NOTCH2NLR: variants seen among roughly 807,000 people sequenced by gnomAD.
NOTCH2NLR encodes notch 2 N-terminal like R (pseudogene).
A neutral mutation model predicts 35.6 loss-of-function variants in NOTCH2NLR; 33 were observed. That is an observed-to-expected ratio of 0.93 (90% confidence interval 0.70 to 1.24). The LOEUF (loss-of-function observed/expected upper bound fraction) is 1.24. Among genes scored for constraint, NOTCH2NLR ranks in the 50% most tolerant of loss-of-function variants. NOTCH2NLR has a pLI of 0.00. For synonymous variants in NOTCH2NLR, 103 were observed against 141.0 expected, an observed-to-expected ratio of 0.73 and a Z score of 1.91; for missense variants, 276 against 362.2, an observed-to-expected ratio of 0.76 and a Z score of 1.93.
chr1:120,794,387 T>C (rs1651533817), downstream of NOTCH2NLR, among the ~76,000 whole-genome samples: 2 of 112,934 alleles, frequency 1.8e-5, 1 homozygote, highest in South Asian at 5.1e-4. Context: ...AGCAGATGAA[T>C]TACTAAGCAA....
intron 2 of NOTCH2NLR, among the ~76,000 whole-genome samples, chr1:120,779,686 A>C: frequency 8.2e-6 from 1 of 122,364 alleles, no homozygotes; most frequent in East Asian, 2.0e-4. Flanking sequence ...GGAATTATAG[A>C]TATGTAAGGG....
At chr1:120,765,790 C>T (rs1651184779) in intron 2 of NOTCH2NLR, among the ~76,000 whole-genome samples, 1 of 128,604 alleles carries the variant, frequency 7.8e-6, no homozygotes, top group East Asian at 2.0e-4. Flanking sequence ...CGATGGAATA[C>T]TATGCAGCCA....
In NOTCH2NLR at chr1:120,764,021, G is replaced by A. The variant is rs1369338030; in HGVS notation, c.155+312G>A. On this transcript the variant is annotated intron_variant, in intron 2 of 4. Coordinates refer to ENST00000624419, the Ensembl canonical transcript of NOTCH2NLR. ...CCCAGCACTTCAGGAGGCTGAGTTG[G>A]GCGAATCACGAGGTCAGGAGTTCAA... 1.7e-5 allele frequency among the ~76,000 whole-genome samples: 2 copies of A among 114,514 alleles called. 1 individual carries two copies. Among genetic ancestry groups the A allele is most frequent in the African/African-American group, 1.0e-4 (2 of 19,918 alleles). The allele number at this position is 114,514 out of a possible 152,430, so 75.1% of individuals were successfully genotyped here.
intron 1 of NOTCH2NLR, among the ~76,000 whole-genome samples, chr1:120,729,412 TAGAA>T (rs1650850750): frequency 9.4e-6 from 1 of 106,654 alleles, no homozygotes; most frequent in Non-Finnish European, 1.8e-5. Flanking sequence ...CTCTAATTCT[TAGAA>T]AGATCTTCTT....
rs1651113039 is a variant in NOTCH2NLR at position 120,759,706 on chromosome 1, A to T, written c.74-3922A>T. On this transcript the variant is annotated intron_variant, in intron 1 of 4. Coordinates refer to ENST00000624419, the Ensembl canonical transcript of NOTCH2NLR. ...TCAAGATTATTTTTCTTTTTTTAAA[A>T]ATTAGAATTGTCAATTTATAGTTGT... Among the ~76,000 whole-genome samples the T allele has an allele frequency of 2.7e-5, 3 of 112,334 alleles. No homozygotes were observed. The South Asian group carries it at 7.5e-4, about 28-fold the overall frequency. The allele number at this position is 112,334 out of a possible 152,430, so 73.7% of individuals were successfully genotyped here. A position where few individuals can be genotyped will look rare whatever the true frequency, so the allele number is the denominator to read the frequency against.
At chr1:120,728,130 CTT>C (rs1476112123) in intron 1 of NOTCH2NLR, among the ~76,000 whole-genome samples, 1 of 114,366 alleles carries the variant, frequency 8.7e-6, no homozygotes, top group Non-Finnish European at 1.7e-5. Flanking sequence ...CACAAAAACT[CTT>C]ATAACATCCT....
chr1:120,752,561 TTTTTTTTTTTTTTC>T (rs1651034164), intron 1 of NOTCH2NLR, among the ~76,000 whole-genome samples: 2 of 26,412 alleles, frequency 7.6e-5, no homozygotes, highest in African/African-American at 7.5e-4. Context: ...TATATTTTTT[TTTTTTTTTTTTTTC>T]TTTTTTTTTT....
chr1:120,765,589 A>G (rs1470001423), intron 2 of NOTCH2NLR, among the ~76,000 whole-genome samples: 1 of 73,098 alleles, frequency 1.4e-5, no homozygotes, highest in East Asian at 2.9e-4. Flanking sequence ...TCAAGGATCT[A>G]GAACCAGAAA....
At position 120,724,691 on chromosome 1, in the gene NOTCH2NLR, C is replaced by G. The variant is rs1418836808; in HGVS notation, c.73+441C>G. ...GCGGGGGCAGGGCCGCCAAGCCAAA[C>G]GGCCTGCAGCTTCGCAGCCAGCCTC... On this transcript the variant is annotated intron_variant, in intron 1 of 4. Coordinates refer to ENST00000624419, the Ensembl canonical transcript of NOTCH2NLR. 1.6e-5 allele frequency among the ~76,000 whole-genome samples: 2 copies of G among 124,710 alleles called. 1 individual carries two copies. The highest frequency in any genetic ancestry group is 3.3e-5 in the Non-Finnish European group (2 of 61,518). The allele number at this position is 124,710 out of a possible 152,430, so 81.8% of individuals were successfully genotyped here.
Position 120,752,587 on chromosome 1 carries a change from T to TCC in NOTCH2NLR, c.74-11041_74-11040insCC, listed in dbSNP as rs1651036424. Among the ~76,000 whole-genome samples, 4 of 40,252 alleles carry TCC rather than the reference T, an allele frequency of 9.9e-5. No individual in the cohort carries two copies. In the African/African-American group the frequency reaches 1.1e-3, roughly 11 times the overall value. 26.4% of individuals were successfully genotyped at this position (40,252 alleles called of 152,430 possible). Reference sequence around the variant, plus strand: ...TTTTTTTTTTTTTCTTTTTTTTTTTTTCAGGCAGAGTCTTGCTCTGTCGCC... The same window carrying TCC: ...TTTTTTTTTTTTTCTTTTTTTTTTTTCCTCAGGCAGAGTCTTGCTCTGTCGCC... On this transcript the variant is annotated intron_variant, in intron 1 of 4. Transcript: ENST00000624419.
intron 2 of NOTCH2NLR, among the ~76,000 whole-genome samples, chr1:120,784,094 G>A (rs1571028482): frequency 8.5e-6 from 1 of 117,806 alleles, no homozygotes; most frequent in East Asian, 2.1e-4. Flanking sequence ...CAATAATTTG[G>A]AAAGGTAAAT....
At position 120,763,757 on chromosome 1, in the gene NOTCH2NLR, C is replaced by T. The variant is rs1651158489; in HGVS notation, c.155+48C>T. The T allele has an allele frequency of 3.6e-5, 26 of 719,914 alleles. 5 individuals carry two copies. Among genetic ancestry groups the T allele is most frequent in the South Asian group, 1.5e-5 (1 of 67,766 alleles). 44.6% of individuals were successfully genotyped at this position (719,914 alleles called of 1,614,324 possible). A position where few individuals can be genotyped will look rare whatever the true frequency, so the allele number is the denominator to read the frequency against. ...TTTCTTTTTGCGATAGAACACTGGA[C>T]AAGATTTGATTCTACTCCTCTATTT... On this transcript the variant is annotated intron_variant, in intron 2 of 4. Transcript: ENST00000624419.
At position 120,785,160 on chromosome 1, in the gene NOTCH2NLR, T is replaced by C. The variant is rs1185129759; in HGVS notation, c.342T>C (p.Pro114=). The C allele has an allele frequency of 2.1e-4, 300 of 1,446,538 alleles. 64 individuals carry two copies. The East Asian group carries it at 5.2e-3, about 25-fold the overall frequency. 89.6% of individuals were successfully genotyped at this position (1,446,538 alleles called of 1,614,324 possible). ...CTCATCCATGCTTTGTGTCTCGACC[T>C]TGCCTGAATGGCGGCACATGCCATA... Residue 114 remains proline (P), a synonymous_variant, in exon 3 of 5, where the codon CCT becomes CCC. Transcript: ENST00000624419.
chr1:120,770,307 C>T (rs1421794013), intron 2 of NOTCH2NLR, among the ~76,000 whole-genome samples: 5 of 107,876 alleles, frequency 4.6e-5, no homozygotes, highest in Non-Finnish European at 6.9e-5. Context: ...GTAGCCGGGA[C>T]TATAAGCGCC....
Position 120,777,591 on chromosome 1 carries a change from C to CT in NOTCH2NLR, c.156-7375dup, listed in dbSNP as rs1374197165. On this transcript the variant is annotated intron_variant, in intron 2 of 4. Transcript: ENST00000624419. Reference sequence around the variant, plus strand: ...CTGGACACCAATCTATACACAAATACTTTTTTTTAAAGTTCTTTTTGTTTT... The same window carrying CT: ...CTGGACACCAATCTATACACAAATACTTTTTTTTTAAAGTTCTTTTTGTTTT... 3.2e-5 allele frequency among the ~76,000 whole-genome samples: 3 copies of CT among 93,106 alleles called. 1 individual carries two copies. Among genetic ancestry groups the CT allele is most frequent in the South Asian group, 6.5e-4 (2 of 3,056 alleles). 61.1% of individuals were successfully genotyped at this position (93,106 alleles called of 152,430 possible).
chr1:120,781,888 C>T lies in NOTCH2NLR; in HGVS notation c.156-3086C>T, dbSNP rs1446981539. ...GTAAAATCTTAATCTTTCTAAGCTT[C>T]GAGTTCCTCATATATAAAATGGAGA... On this transcript the variant is annotated intron_variant, in intron 2 of 4. Transcript: ENST00000624419. Among the ~76,000 whole-genome samples, 34 of 114,000 alleles carry T rather than the reference C, an allele frequency of 3.0e-4. 6 individuals are homozygous for T. The highest frequency in any genetic ancestry group is 3.8e-3 in the Middle Eastern group (1 of 260). The allele number at this position is 114,000 out of a possible 152,430, so 74.8% of individuals were successfully genotyped here. A position where few individuals can be genotyped will look rare whatever the true frequency, so the allele number is the denominator to read the frequency against.
At chr1:120,793,166 G>A in exon 4 of NOTCH2NLR, 2 of 1,417,980 alleles carry the variant, frequency 1.4e-6, no homozygotes, top group South Asian at 1.2e-5. Flanking sequence ...TTTAGGTAAG[G>A]AGTGCCAATG....
chr1:120,785,120 G>A, exon 3 of NOTCH2NLR: 1 of 1,446,394 alleles, frequency 6.9e-7, no homozygotes, highest in Non-Finnish European at 9.2e-7. Context: ...GGAGAGGACT[G>A]CCAGTACTCG....
chr1:120,758,368 T>G, intron 1 of NOTCH2NLR, among the ~76,000 whole-genome samples: 1 of 101,738 alleles, frequency 9.8e-6, no homozygotes, highest in East Asian at 2.5e-4. Flanking sequence ...TTCTGAGAAC[T>G]AAGTAAGAAC....
Sources: allele counts gnomAD v4.1 joint callset (sites outside exome capture counted in the v4.1 genomes callset), GRCh38; gene constraint gnomAD v4.1.1; transcripts MANE v1.5; gene names NCBI Gene and HGNC (gene_info 2026-07-23, HGNC 2026-07-21).